MCPH1: variants seen among roughly 807,000 people sequenced by gnomAD.
MCPH1 encodes microcephalin 1.
A neutral mutation model predicts 84.5 loss-of-function variants in MCPH1; 104 were observed. The ratio of observed to expected loss-of-function variants is 1.23; its 90% confidence interval spans 1.05 to 1.45. The LOEUF (loss-of-function observed/expected upper bound fraction) is 1.45. Among genes scored for constraint, MCPH1 ranks in the 40% most tolerant of loss-of-function variants. MCPH1 has a pLI of 0.00. For synonymous variants in MCPH1, 514 were observed against 366.8 expected (o/e 1.40, Z -4.58); for missense variants, 1,498 against 1,005.7 (o/e 1.49, Z -6.62).
intron 5 of MCPH1, among the ~76,000 whole-genome samples, chr8:6,437,568 T>G (rs1038467296): frequency 6.6e-6 from 1 of 152,192 alleles, no homozygotes; most frequent in Non-Finnish European, 1.5e-5. Flanking sequence ...GCGACAGAAC[T>G]GGGTAGAACA....
At chr8:6,553,379 T>G (rs938790245) in intron 12 of MCPH1, among the ~76,000 whole-genome samples, 1 of 152,186 alleles carries the variant, frequency 6.6e-6, no homozygotes, top group Non-Finnish European at 1.5e-5. Flanking sequence ...TAGCCAGCCC[T>G]CACTAGGGTC....
chr8:6,519,652 A>G (rs1236300539), intron 12 of MCPH1, among the ~76,000 whole-genome samples: 1 of 152,170 alleles, frequency 6.6e-6, no homozygotes, highest in Admixed American at 6.5e-5. Flanking sequence ...TTTCTACATC[A>G]TTCATATGCA....
intron 9 of MCPH1, among the ~76,000 whole-genome samples, chr8:6,476,452 GA>G (rs1808473605): frequency 2.0e-5 from 3 of 148,510 alleles, no homozygotes; most frequent in Admixed American, 6.7e-5. Context: ...AAAAGAAGAA[GA>G]AAAAAATTCA....
At chr8:6,617,883 TATCTATCTATCTATCTA>T (rs1241066742) in intron 12 of MCPH1, among the ~76,000 whole-genome samples, 12 of 136,698 alleles carry the variant, frequency 8.8e-5, no homozygotes, top group African/African-American at 3.2e-4. Context: ...ATCATCCATC[TATCTATCTATCTATCTA>T]ATCTATCTAT....
At chr8:6,447,002 AGGCAGG>A in intron 8 of MCPH1, 1 of 54,916 alleles carries the variant, frequency 1.8e-5, no homozygotes, top group African/African-American at 3.9e-5. Context: ...GCAGGCCATC[AGGCAGG>A]GGTGTCCAGG....
At chr8:6,484,505 C>T (rs1489648261) in intron 11 of MCPH1, among the ~76,000 whole-genome samples, 1 of 152,242 alleles carries the variant, frequency 6.6e-6, no homozygotes, top group Non-Finnish European at 1.5e-5. Flanking sequence ...GTCCACTCAG[C>T]AGTCCCACTC....
intron 12 of MCPH1, among the ~76,000 whole-genome samples, chr8:6,544,112 T>C (rs1205888719): frequency 6.6e-6 from 1 of 152,264 alleles, no homozygotes; most frequent in Non-Finnish European, 1.5e-5. Context: ...AACTTTTTGT[T>C]TTCCAAACAT....
chr8:6,507,261 A>T (rs1813935124), intron 12 of MCPH1, among the ~76,000 whole-genome samples: 1 of 152,156 alleles, frequency 6.6e-6, no homozygotes, highest in Non-Finnish European at 1.5e-5. Flanking sequence ...TTAATGTAGT[A>T]ACTTTCATTT....
intron 13 of MCPH1, chr8:6,642,579 A>T (rs1327341148): frequency 3.4e-6 from 1 of 294,526 alleles, no homozygotes; most frequent in Non-Finnish European, 6.7e-6. Flanking sequence ...CACTGGTGTC[A>T]TAATTAAAAC....
intron 12 of MCPH1, among the ~76,000 whole-genome samples, chr8:6,517,490 A>C (rs954745389): frequency 6.6e-6 from 1 of 152,248 alleles, no homozygotes; most frequent in Non-Finnish European, 1.5e-5. Flanking sequence ...TTCAAAACTA[A>C]AGCTGCAGTA....
At chr8:6,467,656 C>G (rs567631587) in intron 9 of MCPH1, among the ~76,000 whole-genome samples, 3 of 152,020 alleles carry the variant, frequency 2.0e-5, no homozygotes, top group Admixed American at 2.0e-4. Flanking sequence ...AGTGCCGTGG[C>G]GAGATCATAG....
intron 12 of MCPH1, among the ~76,000 whole-genome samples, chr8:6,592,944 G>A (rs1353313801): frequency 6.6e-6 from 1 of 151,488 alleles, no homozygotes; most frequent in Admixed American, 6.6e-5. Flanking sequence ...TGGGATTACA[G>A]GCGTGAGCCA....
chr8:6,638,267 C>A (rs1004743003), intron 13 of MCPH1, among the ~76,000 whole-genome samples: 2 of 152,220 alleles, frequency 1.3e-5, no homozygotes, highest in African/African-American at 2.4e-5. Context: ...TGGGCAATTC[C>A]TTACCAGAGT....
chr8:6,553,617 C>T (rs1408290641), intron 12 of MCPH1, among the ~76,000 whole-genome samples: 1 of 152,074 alleles, frequency 6.6e-6, no homozygotes, highest in East Asian at 1.9e-4. Context: ...TGGCTAAATT[C>T]CTGAGGCTGG....
intron 12 of MCPH1, among the ~76,000 whole-genome samples, chr8:6,528,088 G>C (rs766722764): frequency 6.6e-6 from 1 of 151,962 alleles, no homozygotes; most frequent in Non-Finnish European, 1.5e-5. Flanking sequence ...GTACAGATGG[G>C]GTTTCACCAT....
In MCPH1 at chr8:6,582,815, C is replaced by T. The variant is rs981676835; in HGVS notation, c.2215-38639C>T. Among the ~76,000 whole-genome samples the T allele has an allele frequency of 3.3e-5, 5 of 152,192 alleles. No homozygotes were observed. In the East Asian group the frequency reaches 9.6e-4, roughly 29 times the overall value. ...TAAGACAGTGTGGTGCCTCTGAGCT[C>T]TGTGGCTTTTGCTCCTGCTAGCCTT... On this transcript the variant is annotated intron_variant, in intron 12 of 13. Coordinates refer to ENST00000344683, the MANE Select transcript of MCPH1 (RefSeq NM_024596.5).
At chr8:6,466,617 G>C (rs1018389205) in intron 9 of MCPH1, among the ~76,000 whole-genome samples, 3 of 149,980 alleles carry the variant, frequency 2.0e-5, no homozygotes, top group African/African-American at 7.4e-5. Context: ...CTTTTTTTGT[G>C]TTTTAGTAGA....
At chr8:6,595,666 G>A (rs749694446) in intron 12 of MCPH1, among the ~76,000 whole-genome samples, 9 of 152,192 alleles carry the variant, frequency 5.9e-5, no homozygotes, top group Non-Finnish European at 7.3e-5. Flanking sequence ...TGAGTGAAGA[G>A]TGCACTGTCC....
At chr8:6,412,413 G>C (rs989365353) in intron 2 of MCPH1, among the ~76,000 whole-genome samples, 13 of 152,216 alleles carry the variant, frequency 8.5e-5, no homozygotes, top group Non-Finnish European at 1.9e-4. Context: ...TTGGCAAACA[G>C]TTCAAAGAAT....
Sources: allele counts gnomAD v4.1 joint callset (sites outside exome capture counted in the v4.1 genomes callset), GRCh38; gene constraint gnomAD v4.1.1; transcripts MANE v1.5; gene names NCBI Gene and HGNC (gene_info 2026-07-23, HGNC 2026-07-21).